DSCAML1: variants seen among roughly 807,000 people sequenced by gnomAD.
DSCAML1 encodes DS cell adhesion molecule like 1.
A neutral mutation model predicts 200.5 loss-of-function variants in DSCAML1; 38 were observed. That is an observed-to-expected ratio of 0.19 (90% CI 0.15 to 0.25). The LOEUF (loss-of-function observed/expected upper bound fraction) is 0.25. Among genes scored for constraint, DSCAML1 ranks in the 10% least tolerant of loss-of-function variants. The probability of loss-of-function intolerance (pLI) is 1.00; values close to 1 mark genes in which losing one functional copy is unlikely to be tolerated. For missense variants in DSCAML1, 2,223 were observed against 2,858.8 expected (o/e 0.78, Z 5.07); for synonymous variants, 1,215 against 1,165.0 (o/e 1.04, Z -0.87).
At chr11:117,482,245 C>CG (rs2048943441) in intron 11 of DSCAML1, 83 bp from the exon 12 acceptor site, 1 of 1,480,254 alleles carries the variant, frequency 6.8e-7, no homozygotes, top group Admixed American at 1.9e-5. Flanking sequence ...CAGAAGCCCC[C>CG]GCCCCAGCCC....
Position 117,521,420 on chromosome 11 carries a change from G to C in DSCAML1, c.938-15C>G. ...ATGAAGGGGATCTGGGCCGGGCCAG[G>C]GAGACGTGAGGGGAAATGGGAGGGA... On this transcript the variant is annotated splice_polypyrimidine_tract_variant and intron_variant, in intron 5 of 32. Coordinates refer to ENST00000651296, the MANE Select transcript of DSCAML1 (RefSeq NM_020693.4). 1 of 1,607,134 alleles carries C rather than the reference G, an allele frequency of 6.2e-7. No individual in the cohort carries two copies. The highest frequency in any genetic ancestry group is 8.5e-7 in the Non-Finnish European group (1 of 1,174,598).
intron 16 of DSCAML1, among the ~76,000 whole-genome samples, chr11:117,467,683 C>T (rs2048611441): frequency 1.3e-5 from 2 of 152,082 alleles, no homozygotes; most frequent in Non-Finnish European, 2.9e-5. Context: ...TTTCTCTCTG[C>T]ACTTGGGCAG....
chr11:117,758,229 G>A (rs34458464), intron 3 of DSCAML1, among the ~76,000 whole-genome samples: 93,638 of 150,302 alleles, frequency 0.62, 32,214 homozygotes, highest in East Asian at 0.82. Flanking sequence ...GAACGTGGGA[G>A]GCGGAGGCTG....
chr11:117,453,846 C>A (rs2048328251), intron 19 of DSCAML1, among the ~76,000 whole-genome samples: 1 of 151,130 alleles, frequency 6.6e-6, no homozygotes, highest in Non-Finnish European at 1.5e-5. Flanking sequence ...TGGGTTTAAG[C>A]AATTCTCTGC....
chr11:117,569,666 C>G (rs913248586), intron 3 of DSCAML1, among the ~76,000 whole-genome samples: 2 of 152,214 alleles, frequency 1.3e-5, no homozygotes, highest in African/African-American at 4.8e-5. Context: ...TACTGGCCAC[C>G]TTTCCTCTTC....
At chr11:117,742,677 G>A (rs1444572254) in intron 3 of DSCAML1, among the ~76,000 whole-genome samples, 1 of 152,182 alleles carries the variant, frequency 6.6e-6, no homozygotes, top group Non-Finnish European at 1.5e-5. Context: ...CTGAGTTCCA[G>A]GTAATTGGTT....
rs148179120 is a variant in DSCAML1 at position 117,684,920 on chromosome 11, T to A, written c.511+91871A>T. On this transcript the variant is annotated intron_variant, in intron 3 of 32. Coordinates refer to ENST00000651296, the MANE Select transcript of DSCAML1 (RefSeq NM_020693.4). ...AAGTCCCTTCTTCAAGTAGCCAAAGTGGGCCCCAGTGGAGATGCCAGGGCC... is the reference window on the plus strand; with the variant it reads ...AAGTCCCTTCTTCAAGTAGCCAAAGAGGGCCCCAGTGGAGATGCCAGGGCC... Among the ~76,000 whole-genome samples the A allele has an allele frequency of 5.2e-3, 796 of 152,322 alleles. 2 individuals carry two copies. The highest frequency in any genetic ancestry group is 9.2e-3 in the Non-Finnish European group (628 of 68,016).
At chr11:117,707,022 C>T (rs2053769874) in intron 3 of DSCAML1, among the ~76,000 whole-genome samples, 1 of 152,208 alleles carries the variant, frequency 6.6e-6, no homozygotes, top group African/African-American at 2.4e-5. Context: ...GCAGCAGAAT[C>T]TAGTTCCCTT....
Position 117,517,239 on chromosome 11 carries a change from G to A in DSCAML1, c.1511-500C>T, listed in dbSNP as rs575811908. On this transcript the variant is annotated intron_variant, in intron 7 of 32. Transcript: ENST00000651296. ...CAGGAAGGTCTTCGCCAGGTGAGCTGATGACTTTCGTTCAACAAGTAAATG... is the reference window on the plus strand; with the variant it reads ...CAGGAAGGTCTTCGCCAGGTGAGCTAATGACTTTCGTTCAACAAGTAAATG... 3.9e-5 allele frequency among the ~76,000 whole-genome samples: 6 copies of A among 152,358 alleles called. 1 individual carries two copies. The South Asian group carries it at 1.2e-3, about 32-fold the overall frequency.
intron 3 of DSCAML1, among the ~76,000 whole-genome samples, chr11:117,632,723 T>C (rs1160136684): frequency 5.3e-5 from 8 of 152,226 alleles, no homozygotes; most frequent in Non-Finnish European, 7.3e-5. Flanking sequence ...AGTTCAGGTT[T>C]GCGTGGGTCA....
chr11:117,750,528 T>C (rs2137866033), intron 3 of DSCAML1, among the ~76,000 whole-genome samples: 1 of 152,238 alleles, frequency 6.6e-6, no homozygotes, highest in South Asian at 2.1e-4. Flanking sequence ...TGAACGTGGA[T>C]GAAATGTCTC....
At chr11:117,582,672 G>A (rs2051063380) in intron 3 of DSCAML1, among the ~76,000 whole-genome samples, 1 of 152,152 alleles carries the variant, frequency 6.6e-6, no homozygotes, top group Admixed American at 6.5e-5. Context: ...TAAGGGAGAG[G>A]GGAATATCCG....
rs772988946 is a variant in DSCAML1, at chr11:117,431,709, A to G, written c.5199T>C (p.Asn1733=). Residue 1733 remains asparagine, a synonymous_variant, in exon 31 of 33, where the codon AAT becomes AAC. Coordinates refer to ENST00000651296, the MANE Select transcript of DSCAML1 (RefSeq NM_020693.4). ...TCCGGGTGCTGTGGGCTGACTTCACATTCTTCCTGGACACTGGATCTGCAC... is the reference window on the plus strand; with the variant it reads ...TCCGGGTGCTGTGGGCTGACTTCACGTTCTTCCTGGACACTGGATCTGCAC... The part of the protein sequence containing the change: ...RPGTNPVSRK[N]VKSAHSTRNR... 2.1e-5 allele frequency: 34 copies of G among 1,591,644 alleles called. No individual in the cohort carries two copies. The highest frequency in any genetic ancestry group is 2.9e-5 in the Non-Finnish European group (34 of 1,167,366).
intron 8 of DSCAML1, among the ~76,000 whole-genome samples, chr11:117,512,801 A>ACACACC (rs1256356030): frequency 3.7e-5 from 4 of 106,694 alleles, no homozygotes; most frequent in African/African-American, 1.3e-4. Context: ...ACACACACAC[A>ACACACC]CCCCTCCCCT....
At position 117,433,475 on chromosome 11, in the gene DSCAML1, C is replaced by T. The variant is rs1380595485; in HGVS notation, c.4877-4G>A. 1.2e-6 allele frequency: 2 copies of T among 1,612,700 alleles called. No individual in the cohort carries two copies. Among genetic ancestry groups the T allele is most frequent in the Non-Finnish European group, 1.7e-6 (2 of 1,179,738 alleles). On this transcript the variant is annotated splice_polypyrimidine_tract_variant and splice_region_variant and intron_variant, in intron 27 of 32. Coordinates refer to ENST00000651296, the MANE Select transcript of DSCAML1 (RefSeq NM_020693.4). Reference sequence around the variant, plus strand: ...ATTTCTGCCAAACTCTTTGCATCTGCAAAACAGTAGAGGGAGAGGAGGGCT... The same window carrying T: ...ATTTCTGCCAAACTCTTTGCATCTGTAAAACAGTAGAGGGAGAGGAGGGCT...
At chr11:117,733,160 A>G (rs1011985926) in intron 3 of DSCAML1, among the ~76,000 whole-genome samples, 6 of 152,100 alleles carry the variant, frequency 3.9e-5, no homozygotes, top group African/African-American at 1.4e-4. Context: ...AGGGGCCAGA[A>G]AGGGTTGGTG....
intron 8 of DSCAML1, among the ~76,000 whole-genome samples, chr11:117,507,687 G>C (rs139012236): frequency 2.0e-5 from 3 of 152,158 alleles, no homozygotes; most frequent in Admixed American, 1.3e-4. Context: ...CAGCCTGCCC[G>C]AGTGAACACC....
chr11:117,565,412 G>A (rs2050739764), intron 3 of DSCAML1, among the ~76,000 whole-genome samples: 1 of 152,104 alleles, frequency 6.6e-6, no homozygotes, highest in Non-Finnish European at 1.5e-5. Flanking sequence ...CTAACACTAG[G>A]TCTTATTTCT....
At position 117,505,161 on chromosome 11, in the gene DSCAML1, G is replaced by T. The variant is rs12271208; in HGVS notation, c.2063-118C>A. The stretch of plus-strand genomic sequence containing the variant: ...CCCGGGCCATTATAAAGTTGGAAGC[G>T]GGCAGTTTCTGAAACCCAAGATGCT... On this transcript the variant is annotated intron_variant, in intron 9 of 32. Coordinates refer to ENST00000651296, the MANE Select transcript of DSCAML1 (RefSeq NM_020693.4). The surrounding 1 kb of genome is among the most constrained non-coding windows in gnomAD (Gnocchi z 6.7). 1.4e-6 allele frequency: 2 copies of T among 1,451,796 alleles called. No homozygotes were observed. Among genetic ancestry groups the T allele is most frequent in the Non-Finnish European group, 9.3e-7 (1 of 1,081,044 alleles). 89.9% of individuals were successfully genotyped at this position (1,451,796 alleles called of 1,614,324 possible).
Sources: gnomAD v4.1 joint callset for allele counts (sites outside exome capture counted in the v4.1 genomes callset) on GRCh38, gnomAD v4.1.1 for gene constraint, Gnocchi (gnomAD v3.1) non-coding constraint, MANE v1.5 for transcripts, NCBI Gene and HGNC (gene_info 2026-07-23, HGNC 2026-07-21) for gene names.